The following CPNE2 variants were observed in gnomAD, a reference collection of about 807,000 sequenced individuals.
The protein encoded by CPNE2 is copine 2.
Under a neutral mutation model 69.7 loss-of-function variants are expected in CPNE2, and 42 were observed. The ratio of observed to expected loss-of-function variants is 0.60; its 90% CI spans 0.47 to 0.78. The LOEUF (loss-of-function observed/expected upper bound fraction) is 0.78. Ranked by LOEUF, CPNE2 falls within the 30% of genes least tolerant of loss-of-function variation. The probability of loss-of-function intolerance (pLI) is 0.00; values close to 1 mark genes in which losing one functional copy is unlikely to be tolerated. For synonymous variants in CPNE2, 294 were observed against 289.8 expected, an observed-to-expected ratio of 1.01 and a Z score of -0.15; for missense variants, 587 against 732.0, an observed-to-expected ratio of 0.80 and a Z score of 2.29.
At position 57,147,330 on chromosome 16, in the gene CPNE2, T is replaced by TA. The variant is rs555405167; in HGVS notation, c.1540-220dup. 458 of 402,264 alleles carry TA rather than the reference T, an allele frequency of 1.1e-3. 1 individual carries two copies. The highest frequency in any genetic ancestry group is 6.8e-3 in the African/African-American group (336 of 49,206). The allele number at this position is 402,264 out of a possible 1,614,324, so 24.9% of individuals were successfully genotyped here. A position where few individuals can be genotyped will look rare whatever the true frequency, so the allele number is the denominator to read the frequency against. ...CATCTCAAGTGCTCCAGGTAACACT[T>TA]ACACCTAACCTAAAGGAAGGCACTG... is the stretch of plus-strand genomic sequence containing the variant. On this transcript the variant is annotated intron_variant, in intron 15 of 15. Coordinates refer to ENST00000290776, the MANE Select transcript of CPNE2 (RefSeq NM_152727.6).
At chr16:57,099,459 A>G (rs1313164829) in intron 1 of CPNE2, among the ~76,000 whole-genome samples, 1 of 152,082 alleles carries the variant, frequency 6.6e-6, no homozygotes, top group South Asian at 2.1e-4. Flanking sequence ...TTCGTTGGGC[A>G]CTAATGTTTC....
chr16:57,123,500 T>C, intron 10 of CPNE2, 27 bp downstream of exon 10: 1 of 1,610,442 alleles, frequency 6.2e-7, no homozygotes, highest in Non-Finnish European at 8.5e-7. Flanking sequence ...TGGCTCCCTC[T>C]GCACCCCCAT....
At chr16:57,126,648 T>C (rs867786749) in intron 11 of CPNE2, among the ~76,000 whole-genome samples, 1 of 151,986 alleles carries the variant, frequency 6.6e-6, no homozygotes, top group Non-Finnish European at 1.5e-5. Flanking sequence ...GGCTGACACA[T>C]TGGGAACAGG....
chr16:57,116,180 C>T (rs1567667851), intron 4 of CPNE2, among the ~76,000 whole-genome samples: 1 of 152,144 alleles, frequency 6.6e-6, no homozygotes, highest in Admixed American at 6.5e-5. Flanking sequence ...ACCAACCCTT[C>T]GGTTCAAGGC....
At chr16:57,117,377 G>A (rs2069726938) in intron 4 of CPNE2, 119 bp from the exon 5 acceptor site, 1 of 938,188 alleles carries the variant, frequency 1.1e-6, no homozygotes, top group Non-Finnish European at 1.6e-6. Flanking sequence ...AGGTCACCTG[G>A]AACTGCCCTT....
rs1006556143 is a variant in CPNE2, at chr16:57,125,694, G to A, written c.928-166G>A. ...AGCCACAGATGGCATTAGAGCAGAGGAGTGATACAATCAGAGCATTTCTAG... is the reference window on the plus strand; with the variant it reads ...AGCCACAGATGGCATTAGAGCAGAGAAGTGATACAATCAGAGCATTTCTAG... On this transcript the variant is annotated intron_variant, in intron 10 of 15. Coordinates refer to ENST00000290776, the MANE Select transcript of CPNE2 (RefSeq NM_152727.6). 30 of 778,384 alleles carry A rather than the reference G, an allele frequency of 3.9e-5. No individual in the cohort carries two copies. The South Asian group carries it at 5.3e-4, about 14-fold the overall frequency. The allele number at this position is 778,384 out of a possible 1,614,324, so 48.2% of individuals were successfully genotyped here.
intron 7 of CPNE2, among the ~76,000 whole-genome samples, chr16:57,120,607 CT>C (rs2069754804): frequency 6.6e-6 from 1 of 152,180 alleles, no homozygotes; most frequent in Non-Finnish European, 1.5e-5. Context: ...GGGTCTGCTA[CT>C]GCTGCTGTGA....
chr16:57,139,616 C>T lies in CPNE2; in HGVS notation c.1302+2334C>T, dbSNP rs148540052. On this transcript the variant is annotated intron_variant, in intron 14 of 15. Transcript: ENST00000290776. ...GCCTACACCCAGGAATGAACAAGGA[C>T]AGTTGAAGGGTTAGAAGCAAGATGG... 3.1e-4 allele frequency among the ~76,000 whole-genome samples: 47 copies of T among 152,308 alleles called. No individual in the cohort carries two copies. The East Asian group carries it at 7.7e-3, about 25-fold the overall frequency.
At chr16:57,113,537 G>C in intron 3 of CPNE2, 70 bp downstream of exon 3, 1 of 1,487,140 alleles carries the variant, frequency 6.7e-7, no homozygotes, top group Non-Finnish European at 9.1e-7. Context: ...GTCTCTTCTC[G>C]TGCTGTCTTT....
chr16:57,142,191 T>A (rs2069927247), intron 14 of CPNE2: 1 of 152,304 alleles, frequency 6.6e-6, no homozygotes, highest in African/African-American at 2.4e-5. Flanking sequence ...TGAGGAGCCC[T>A]AGGCCAGGAG....
Position 57,116,279 on chromosome 16 carries a change from C to T in CPNE2, c.435+729C>T, listed in dbSNP as rs74694734. On this transcript the variant is annotated intron_variant, in intron 4 of 15. Transcript: ENST00000290776. ...TTAAATGCCCTGCGTTCAAAGCAAA[C>T]TGAATTCTTAGCATATCCTGAACAT... Among the ~76,000 whole-genome samples, 1,435 of 152,238 alleles carry T rather than the reference C, an allele frequency of 9.4e-3. 18 individuals are homozygous for T. Among genetic ancestry groups the T allele is most frequent in the African/African-American group, 0.032 (1,347 of 41,532 alleles).
intron 1 of CPNE2, among the ~76,000 whole-genome samples, chr16:57,095,911 C>G (rs2069575526): frequency 6.6e-6 from 1 of 152,242 alleles, no homozygotes; most frequent in Non-Finnish European, 1.5e-5. Flanking sequence ...AAACCATCTT[C>G]TTTACTCATT....
chr16:57,111,768 G>A (rs2069683330), intron 2 of CPNE2, among the ~76,000 whole-genome samples: 1 of 152,192 alleles, frequency 6.6e-6, no homozygotes, highest in Non-Finnish European at 1.5e-5. Flanking sequence ...TGGTGCCCCA[G>A]GCAAGGACTT....
intron 14 of CPNE2, 85 bp from the exon 15 acceptor site, chr16:57,146,000 C>A: frequency 8.5e-7 from 1 of 1,171,504 alleles, no homozygotes; most frequent in Non-Finnish European, 1.2e-6. Flanking sequence ...CTCCAGGACT[C>A]GGAGGGTTTG....
intron 14 of CPNE2, chr16:57,143,026 G>A (rs2069933617): frequency 6.6e-6 from 1 of 152,222 alleles, no homozygotes; most frequent in South Asian, 2.1e-4. Flanking sequence ...GCTGGGGACA[G>A]GGTGAACCAG....
rs368319522 is a variant in CPNE2 at position 57,119,174 on chromosome 16, G to A, written c.508-21G>A. Reference sequence around the variant, plus strand: ...TAGCAGGGCTGTACCTCTCTCACCCGCATCCTCCCACTTCTCCCAGGACCT... The same window carrying A: ...TAGCAGGGCTGTACCTCTCTCACCCACATCCTCCCACTTCTCCCAGGACCT... On this transcript the variant is annotated intron_variant, in intron 5 of 15. Transcript: ENST00000290776. 1.2e-4 allele frequency: 193 copies of A among 1,607,774 alleles called. 1 individual carries two copies. The highest frequency in any genetic ancestry group is 1.7e-4 in the African/African-American group (13 of 74,914).
intron 12 of CPNE2, among the ~76,000 whole-genome samples, chr16:57,131,569 A>C (rs1413960366): frequency 6.6e-6 from 1 of 152,222 alleles, no homozygotes; most frequent in Non-Finnish European, 1.5e-5. Context: ...CTTGAGCAAA[A>C]GCCTCCTTGT....
chr16:57,115,964 C>T (rs1163882020), intron 4 of CPNE2, among the ~76,000 whole-genome samples: 4 of 152,236 alleles, frequency 2.6e-5, no homozygotes, highest in African/African-American at 9.6e-5. Flanking sequence ...TCAAAGACTC[C>T]CAGAAGCCAG....
intron 10 of CPNE2, chr16:57,123,860 G>A: frequency 3.9e-6 from 1 of 257,168 alleles, no homozygotes; most frequent in South Asian, 6.9e-5. Flanking sequence ...TGCCCAACAT[G>A]CCAAGCTTTG....
Sources: allele counts gnomAD v4.1 joint callset (sites outside exome capture counted in the v4.1 genomes callset), GRCh38; gene constraint gnomAD v4.1.1; transcripts MANE v1.5; gene names NCBI Gene and HGNC (gene_info 2026-07-23, HGNC 2026-07-21).